PARD3B: variants seen among roughly 807,000 people sequenced by gnomAD.
The protein encoded by PARD3B is partitioning defective 3 homolog B.
In PARD3B, 103 loss-of-function variants were observed where a neutral mutation model predicts 130.2. That is an observed-to-expected ratio of 0.79 (90% CI 0.67 to 0.93). The LOEUF is 0.93. PARD3B is among the 40% of genes least tolerant of loss of function. The probability of loss-of-function intolerance (pLI) is 0.00; values close to 1 mark genes in which losing one functional copy is unlikely to be tolerated. For missense variants in PARD3B, 1,609 were observed against 1,499.2 expected (o/e 1.07, Z -1.21); for synonymous variants, 583 against 553.2 (o/e 1.05, Z -0.76).
chr2:205,178,843 C>T (rs1386450681), intron 13 of PARD3B, among the ~76,000 whole-genome samples: 2 of 152,100 alleles, frequency 1.3e-5, no homozygotes, highest in East Asian at 1.9e-4. Context: ...TTTAATGGAG[C>T]TGAAAAATTC....
In PARD3B at chr2:205,470,397, C is replaced by G. The variant is rs1056681352; in HGVS notation, c.3045-29499C>G. The stretch of plus-strand genomic sequence containing the variant: ...TGTCTTCAGACCTCTTCACCAATTT[C>G]TTTGTTAACCACAGTGCCCATGTAT... On this transcript the variant is annotated intron_variant, in intron 20 of 22. Coordinates refer to ENST00000406610, the MANE Select transcript of PARD3B (RefSeq NM_001302769.2). The surrounding 1 kb of genome is among the most constrained non-coding windows in gnomAD (Gnocchi z 4.8). Among the ~76,000 whole-genome samples the G allele has an allele frequency of 6.6e-6, 1 of 152,144 alleles. No individual in the cohort carries two copies. The highest frequency in any genetic ancestry group is 2.1e-4 in the South Asian group (1 of 4,832).
chr2:205,101,067 A>T (rs1324647975), intron 4 of PARD3B, among the ~76,000 whole-genome samples: 2 of 152,182 alleles, frequency 1.3e-5, no homozygotes, highest in African/African-American at 4.8e-5. Flanking sequence ...AGAACAGGAA[A>T]ACATATTTGT....
At position 205,612,211 on chromosome 2, in the gene PARD3B, G is replaced by A. The variant is rs531520558; in HGVS notation, c.3261-3245G>A. Among the ~76,000 whole-genome samples, 53 of 152,182 alleles carry A rather than the reference G, an allele frequency of 3.5e-4. No homozygotes were observed. In the South Asian group the frequency reaches 7.7e-3, roughly 22 times the overall value. ...TCTGTTGCACAAGATGGAGTGTAGC[G>A]GCACAATCTCAGCTCACTGCAACCT... On this transcript the variant is annotated intron_variant, in intron 22 of 22. Transcript: ENST00000406610.
chr2:205,359,290 T>G (rs967051740), intron 18 of PARD3B, among the ~76,000 whole-genome samples: 1 of 152,228 alleles, frequency 6.6e-6, no homozygotes, highest in South Asian at 2.1e-4. Flanking sequence ...CTTTGGAAAA[T>G]CACTTGAATT....
chr2:205,432,254 G>C (rs1255686933), intron 19 of PARD3B, among the ~76,000 whole-genome samples: 3 of 152,064 alleles, frequency 2.0e-5, no homozygotes, highest in Non-Finnish European at 4.4e-5. Flanking sequence ...CCCCCTAACT[G>C]TTCTCCACAG....
At chr2:205,138,286 T>C (rs543383533) in intron 10 of PARD3B, among the ~76,000 whole-genome samples, 1 of 152,342 alleles carries the variant, frequency 6.6e-6, no homozygotes, top group South Asian at 2.1e-4. Flanking sequence ...GGCATGCTCC[T>C]TTCCCCTACA....
At position 205,240,182 on chromosome 2, in the gene PARD3B, A is replaced by G. The variant is rs529638266; in HGVS notation, c.2141-5596A>G. Reference sequence around the variant, plus strand: ...CATTCCTTAGAAATTCTGGAAATCAATCAGTGGCACAGAAATTGATCTGCT... The same window carrying G: ...CATTCCTTAGAAATTCTGGAAATCAGTCAGTGGCACAGAAATTGATCTGCT... On this transcript the variant is annotated intron_variant, in intron 15 of 22. Coordinates refer to ENST00000406610, the MANE Select transcript of PARD3B (RefSeq NM_001302769.2). Among the ~76,000 whole-genome samples, 18 of 152,344 alleles carry G rather than the reference A, an allele frequency of 1.2e-4. No homozygotes were observed. In the East Asian group the frequency reaches 3.5e-3, roughly 29 times the overall value.
At chr2:205,344,037 G>A (rs749356127) in intron 18 of PARD3B, among the ~76,000 whole-genome samples, 1 of 152,178 alleles carries the variant, frequency 6.6e-6, no homozygotes, top group Non-Finnish European at 1.5e-5. Context: ...CAGAAAAGTG[G>A]TAGGGGGTTA....
At chr2:205,331,650 G>A (rs1276956803) in intron 18 of PARD3B, among the ~76,000 whole-genome samples, 1 of 151,686 alleles carries the variant, frequency 6.6e-6, no homozygotes, top group African/African-American at 2.4e-5. Context: ...GGACGTAGTG[G>A]TGGGTGCCTG....
At chr2:204,761,386 A>G (rs892393736) in intron 2 of PARD3B, among the ~76,000 whole-genome samples, 1 of 152,206 alleles carries the variant, frequency 6.6e-6, no homozygotes, top group Non-Finnish European at 1.5e-5. Flanking sequence ...AGTCACCAAG[A>G]TAGTCTCCTA....
chr2:204,936,478 TA>T (rs1371315479), intron 2 of PARD3B, among the ~76,000 whole-genome samples: 1 of 152,248 alleles, frequency 6.6e-6, no homozygotes, highest in African/African-American at 2.4e-5. Flanking sequence ...TCTTGCTTTT[TA>T]AAAATTACAG....
intron 2 of PARD3B, among the ~76,000 whole-genome samples, chr2:204,819,295 C>T (rs1448358858): frequency 1.3e-5 from 2 of 152,144 alleles, no homozygotes; most frequent in African/African-American, 2.4e-5. Flanking sequence ...TTATTCTTGC[C>T]ATGTTTCAAA....
chr2:205,012,856 G>A (rs1366335596), intron 3 of PARD3B, among the ~76,000 whole-genome samples: 1 of 152,144 alleles, frequency 6.6e-6, no homozygotes, highest in African/African-American at 2.4e-5. Context: ...TCCTTCTGTG[G>A]GTAATTTATT....
In PARD3B at chr2:204,545,501, CG is replaced by C. The variant is rs1181981033; in HGVS notation, c.-498del. On this transcript the variant is annotated 5_prime_UTR_variant, in exon 1 of 23. Transcript: ENST00000406610. ...CCGCAGGAGCCCAGAGCGCGGGCGCCGCAGAGGAGTTGGGAGCCGGCGCAAA... is the reference window on the plus strand; with the variant it reads ...CCGCAGGAGCCCAGAGCGCGGGCGCCCAGAGGAGTTGGGAGCCGGCGCAAA... 2.6e-5 allele frequency among the ~76,000 whole-genome samples: 4 copies of C among 152,002 alleles called. No homozygotes were observed. The highest frequency in any genetic ancestry group is 6.5e-5 in the Admixed American group (1 of 15,278).
chr2:205,547,719 T>A (rs942295066), intron 21 of PARD3B, among the ~76,000 whole-genome samples: 1 of 152,190 alleles, frequency 6.6e-6, no homozygotes, highest in South Asian at 2.1e-4. Flanking sequence ...AAACTAGCAA[T>A]GTTACAGCTG....
Position 205,176,493 on chromosome 2 carries a change from CA to C in PARD3B, c.1844del (p.Asn615MetfsTer3). 1 of 1,612,754 alleles carries C rather than the reference CA, an allele frequency of 6.2e-7. No individual in the cohort carries two copies. The highest frequency in any genetic ancestry group is 8.5e-7 in the Non-Finnish European group (1 of 1,179,074). ...TTCCAAGCCATGCTTTGAGAACTGT[CA>C]AAATGCTGTAACCACCTCTAGGCGA... ...AFSKPCFENC[Q>X]NAVTTSRRND... On this transcript the variant is annotated frameshift_variant, in exon 13 of 23. Transcript: ENST00000406610. LOFTEE classifies it high-confidence loss of function. The surrounding 1 kb of genome is among the most constrained non-coding windows in gnomAD (Gnocchi z 5.3).
intron 2 of PARD3B, among the ~76,000 whole-genome samples, chr2:204,914,712 C>A (rs2125733890): frequency 6.6e-6 from 1 of 152,224 alleles, no homozygotes; most frequent in Non-Finnish European, 1.5e-5. Context: ...AGGTTAGGAG[C>A]AGCTGTACAG....
In PARD3B at chr2:204,956,846, G is replaced by A. The variant is rs977716537; in HGVS notation, c.223-8306G>A. The stretch of plus-strand genomic sequence containing the variant: ...GAGTTTTTAAACTTTCTGAAAATTT[G>A]TGTTATTCTGTGATGCTTGAAACTT... On this transcript the variant is annotated intron_variant, in intron 2 of 22. Coordinates refer to ENST00000406610, the MANE Select transcript of PARD3B (RefSeq NM_001302769.2). Among the ~76,000 whole-genome samples, 65 of 152,144 alleles carry A rather than the reference G, an allele frequency of 4.3e-4. 1 individual carries two copies. Among genetic ancestry groups the A allele is most frequent in the East Asian group, 1.9e-4 (1 of 5,194 alleles).
chr2:205,185,613 A>C, intron 13 of PARD3B, 151 bp from the exon 14 acceptor site: 1 of 588,214 alleles, frequency 1.7e-6, no homozygotes, highest in Non-Finnish European at 3.1e-6. Context: ...CATTCTCATA[A>C]GGATCCTTCA....
Sources: allele counts gnomAD v4.1 joint callset (sites outside exome capture counted in the v4.1 genomes callset), GRCh38; gene constraint gnomAD v4.1.1; non-coding constraint Gnocchi (gnomAD v3.1); transcripts MANE v1.5; gene names NCBI Gene and HGNC (gene_info 2026-07-23, HGNC 2026-07-21).